Variants in GRHL3 observed in about 807,000 individuals in gnomAD.
GRHL3 encodes the protein grainyhead like transcription factor 3, also known as grainyhead-like protein 3 homolog.
GRHL3 carries 20 observed loss-of-function variants against 70.3 expected under a neutral mutation model. That is an observed-to-expected ratio of 0.28 (90% CI 0.20 to 0.41). GRHL3 has a LOEUF of 0.41. Among genes scored for constraint, GRHL3 ranks in the 10% least tolerant of loss-of-function variants. The pLI is 1.00. For missense variants in GRHL3, 637 were observed against 762.3 expected, an observed-to-expected ratio of 0.84 and a Z score of 1.94; for synonymous variants, 299 against 299.9, an observed-to-expected ratio of 1.00 and a Z score of 0.03.
At chr1:24,349,835 C>A (rs767345243) in intron 14 of GRHL3, among the ~76,000 whole-genome samples, 1 of 152,182 alleles carries the variant, frequency 6.6e-6, no homozygotes, top group Non-Finnish European at 1.5e-5. Flanking sequence ...CACAACCGTA[C>A]GTACACATGA....
intron 14 of GRHL3, among the ~76,000 whole-genome samples, chr1:24,349,508 G>A (rs55675084): frequency 0.017 from 2,562 of 152,252 alleles, 37 homozygotes; most frequent in African/African-American, 0.04. Context: ...CTCAGTACGC[G>A]CCAGGAGCTG....
Position 24,354,521 on chromosome 1 carries a change from C to A in GRHL3, c.*33C>A. 7.2e-7 allele frequency: 1 copy of A among 1,394,574 alleles called. No homozygotes were observed. Among genetic ancestry groups the A allele is most frequent in the Non-Finnish European group, 1.0e-6 (1 of 980,314 alleles). The allele number at this position is 1,394,574 out of a possible 1,614,324, so 86.4% of individuals were successfully genotyped here. ...CGAGCATCCAAACCCTCACGACCTG[C>A]AAGGGGCCAGCAGGGACGTGGCCCC... On this transcript the variant is annotated 3_prime_UTR_variant, in exon 16 of 16. Transcript: ENST00000361548.
intron 15 of GRHL3, among the ~76,000 whole-genome samples, chr1:24,362,177 G>A (rs900304085): frequency 1.3e-5 from 2 of 152,204 alleles, no homozygotes; most frequent in African/African-American, 4.8e-5. Flanking sequence ...GGCCACTGGG[G>A]CACTACTGCA....
downstream of GRHL3, among the ~76,000 whole-genome samples, chr1:24,359,492 G>T (rs2148673998): frequency 6.6e-6 from 1 of 152,314 alleles, no homozygotes; most frequent in South Asian, 2.1e-4. The surrounding 1 kb of genome is among the most constrained non-coding windows in gnomAD (Gnocchi z 5.3). Flanking sequence ...AGCCTTGCTG[G>T]TGTGATTATC....
At position 24,342,796 on chromosome 1, in the gene GRHL3, G is replaced by T. The variant is rs1017917184; in HGVS notation, c.1285+24G>T. 4.3e-6 allele frequency: 7 copies of T among 1,613,922 alleles called. No individual in the cohort carries two copies. In the African/African-American group the frequency reaches 9.3e-5, roughly 22 times the overall value. On this transcript the variant is annotated intron_variant, in intron 10 of 15. Transcript: ENST00000361548. This position sits in a 1 kb window ranked among gnomAD's most constrained non-coding sequence, Gnocchi z 4.8. ...TGGTCAGTGGGGATCCAGGGCCTGG[G>T]TGGGCTCGGCTGGCGTGAAGGGGAG... is the stretch of plus-strand genomic sequence containing the variant.
chr1:24,334,758 G>A lies in GRHL3; in HGVS notation c.266+52G>A. 6.8e-7 allele frequency: 1 copy of A among 1,468,296 alleles called. No homozygotes were observed. Among genetic ancestry groups the A allele is most frequent in the Non-Finnish European group, 9.5e-7 (1 of 1,057,386 alleles). The allele number at this position is 1,468,296 out of a possible 1,614,324, so 91.0% of individuals were successfully genotyped here. ...CTTTGCCCTTCCCCACCTCCACCTGGAGCCTCTTCCACACAGGTTTGACTT... is the reference window on the plus strand; with the variant it reads ...CTTTGCCCTTCCCCACCTCCACCTGAAGCCTCTTCCACACAGGTTTGACTT... On this transcript the variant is annotated intron_variant, in intron 3 of 15. Coordinates refer to ENST00000361548, the MANE Select transcript of GRHL3 (RefSeq NM_198173.3). This position sits in a 1 kb window ranked among gnomAD's most constrained non-coding sequence, Gnocchi z 4.3.
chr1:24,360,962 C>T, intron 15 of GRHL3: 1 of 1,614,086 alleles, frequency 6.2e-7, no homozygotes, highest in Non-Finnish European at 8.5e-7. Context: ...TCCACGATCT[C>T]ATACTGACCA....
chr1:24,322,729 G>A lies in GRHL3; in HGVS notation c.17+3161G>A, dbSNP rs995668011. Among the ~76,000 whole-genome samples, 2 of 152,214 alleles carry A rather than the reference G, an allele frequency of 1.3e-5. No individual in the cohort carries two copies. The highest frequency in any genetic ancestry group is 4.8e-5 in the African/African-American group (2 of 41,458). The stretch of plus-strand genomic sequence containing the variant: ...ACCGGAGGAGTGAAGAGGGAAAACG[G>A]GGCTGAAACCCAGATGGGATCATCC... On this transcript the variant is annotated intron_variant, in intron 1 of 15. Coordinates refer to ENST00000361548, the MANE Select transcript of GRHL3 (RefSeq NM_198173.3). This position sits in a 1 kb window ranked among gnomAD's most constrained non-coding sequence, Gnocchi z 4.4.
In GRHL3 at chr1:24,322,215, G is replaced by A. The variant is rs568692522; in HGVS notation, c.17+2647G>A. On this transcript the variant is annotated intron_variant, in intron 1 of 15. Transcript: ENST00000361548. The surrounding 1 kb of genome is among the most constrained non-coding windows in gnomAD (Gnocchi z 4.4). ...AGGCAGGAGCGTCCCCCGCGGCCTC[G>A]CTCCCTGCTCTCTGGGCCCCACCGC... Among the ~76,000 whole-genome samples the A allele has an allele frequency of 2.4e-4, 36 of 152,244 alleles. 1 individual carries two copies. The South Asian group carries it at 7.5e-3, about 32-fold the overall frequency.
chr1:24,362,288 C>T (rs1371244166), intron 15 of GRHL3, among the ~76,000 whole-genome samples: 5 of 152,180 alleles, frequency 3.3e-5, no homozygotes, highest in Non-Finnish European at 5.9e-5. Context: ...TCCGGAGAGA[C>T]AAAGTAACCG....
At chr1:24,336,160 G>A (rs775634088) in intron 3 of GRHL3, among the ~76,000 whole-genome samples, 3 of 151,396 alleles carry the variant, frequency 2.0e-5, no homozygotes, top group Admixed American at 6.6e-5. Flanking sequence ...AAGTAGGGAC[G>A]TTTTGACACA....
At chr1:24,353,812 T>C (rs1323558551) in intron 15 of GRHL3, among the ~76,000 whole-genome samples, 1 of 152,118 alleles carries the variant, frequency 6.6e-6, no homozygotes, top group African/African-American at 2.4e-5. Context: ...CCCAGGTCCT[T>C]GCCTGGAGAA....
At position 24,331,592 on chromosome 1, in the gene GRHL3, T is replaced by G. The variant is rs772495652; in HGVS notation, c.184T>G (p.Phe62Val). ...GDDDSVAALSFLYDYYMGPKE... is the reference protein window; with the variant it reads ...GDDDSVAALSVLYDYYMGPKE... ...TGATGACAGTGTTGCGGCCTTGAGCTTCCTCTATGATTACTACATGGTACG... is the reference window on the plus strand; with the variant it reads ...TGATGACAGTGTTGCGGCCTTGAGCGTCCTCTATGATTACTACATGGTACG... The change falls in exon 2 of 16, where the codon TTC (phenylalanine) becomes GTC (valine). Residue 62 changes from phenylalanine to valine, a missense_variant. Coordinates refer to ENST00000361548, the MANE Select transcript of GRHL3 (RefSeq NM_198173.3). 4 of 1,613,724 alleles carry G rather than the reference T, an allele frequency of 2.5e-6. No individual in the cohort carries two copies. Among genetic ancestry groups the G allele is most frequent in the East Asian group, 2.2e-5 (1 of 44,864 alleles).
chr1:24,319,848 A>G (rs774816260), intron 1 of GRHL3: 5 of 886,404 alleles, frequency 5.6e-6, no homozygotes, highest in Non-Finnish European at 8.0e-6. Context: ...GGTTTCTGGC[A>G]CCACTTTTTG....
At chr1:24,327,480 G>T in intron 1 of GRHL3, among the ~76,000 whole-genome samples, 1 of 152,210 alleles carries the variant, frequency 6.6e-6, no homozygotes, top group Admixed American at 6.5e-5. Context: ...AGGACATGTA[G>T]TTAACAAACC....
chr1:24,359,986 A>G (rs1215510319), downstream of GRHL3, among the ~76,000 whole-genome samples: 2 of 152,096 alleles, frequency 1.3e-5, no homozygotes, highest in Non-Finnish European at 2.9e-5. This position sits in a 1 kb window ranked among gnomAD's most constrained non-coding sequence, Gnocchi z 5.3. Flanking sequence ...TCCGTTGGAC[A>G]GTCCCTGGTT....
intron 15 of GRHL3, among the ~76,000 whole-genome samples, chr1:24,360,381 G>A (rs904892527): frequency 2.0e-5 from 3 of 152,174 alleles, no homozygotes; most frequent in Non-Finnish European, 4.4e-5. Flanking sequence ...CCTGGGAGGC[G>A]GAAGTTGTGA....
intron 11 of GRHL3, 95 bp from the exon 12 acceptor site, chr1:24,344,802 C>T (rs1039803934): frequency 2.1e-6 from 3 of 1,404,704 alleles, no homozygotes; most frequent in African/African-American, 2.8e-5. Context: ...CCCCACCTCC[C>T]ACCAAAAATA....
At chr1:24,326,140 G>C (rs913897213) in intron 1 of GRHL3, among the ~76,000 whole-genome samples, 1 of 152,232 alleles carries the variant, frequency 6.6e-6, no homozygotes, top group African/African-American at 2.4e-5. Context: ...AAATGTGAGG[G>C]ATTATCAAAT....
Sources: allele counts gnomAD v4.1 joint callset (sites outside exome capture counted in the v4.1 genomes callset), GRCh38; gene constraint gnomAD v4.1.1; non-coding constraint Gnocchi (gnomAD v3.1); transcripts MANE v1.5; gene names NCBI Gene and HGNC (gene_info 2026-07-23, HGNC 2026-07-21).